The following ATP11A variants were observed in gnomAD, a reference collection of about 807,000 sequenced individuals.
ATP11A encodes phospholipid-transporting ATPase IH.
A neutral mutation model predicts 154.4 loss-of-function variants in ATP11A; 81 were observed. The observed-to-expected ratio is 0.52, with a 90% CI of 0.44 to 0.63. ATP11A has a LOEUF of 0.63. Among genes scored for constraint, ATP11A ranks in the 30% least tolerant of loss-of-function variants. The pLI, the probability that ATP11A is intolerant of heterozygous loss-of-function variation, is 0.00. For missense variants in ATP11A, 1,316 were observed against 1,474.3 expected (o/e 0.89, Z 1.76); for synonymous variants, 623 against 585.9 (o/e 1.06, Z -0.91).
At chr13:112,792,791 A>G (rs2077896250) in intron 2 of ATP11A, among the ~76,000 whole-genome samples, 1 of 152,114 alleles carries the variant, frequency 6.6e-6, no homozygotes, top group East Asian at 1.9e-4. Context: ...CCACAAAGGG[A>G]TGGATCACTG....
At chr13:112,721,330 G>A (rs1889151719) in intron 1 of ATP11A, among the ~76,000 whole-genome samples, 1 of 152,200 alleles carries the variant, frequency 6.6e-6, no homozygotes, top group Non-Finnish European at 1.5e-5. Context: ...GATCACAAAT[G>A]TTACGGGAAA....
At chr13:112,706,858 CTT>C (rs1440308690) in intron 1 of ATP11A, among the ~76,000 whole-genome samples, 2 of 152,208 alleles carry the variant, frequency 1.3e-5, no homozygotes, top group East Asian at 1.9e-4. Context: ...GGAATACACT[CTT>C]AAATCAATGT....
intron 1 of ATP11A, among the ~76,000 whole-genome samples, chr13:112,779,055 T>G (rs1461419203): frequency 5.9e-5 from 6 of 101,664 alleles, no homozygotes; most frequent in East Asian, 3.1e-4. Context: ...CTGGAGTGAG[T>G]AGCCGCTGGA....
intron 2 of ATP11A, among the ~76,000 whole-genome samples, chr13:112,799,045 A>G (rs1458781715): frequency 3.9e-5 from 6 of 152,266 alleles, no homozygotes; most frequent in Non-Finnish European, 1.5e-5. Context: ...TCAGAACAAG[A>G]GAAGTTACCA....
chr13:112,719,270 A>G (rs1021301783), intron 1 of ATP11A, among the ~76,000 whole-genome samples: 7 of 152,232 alleles, frequency 4.6e-5, no homozygotes, highest in Admixed American at 2.0e-4. Context: ...CAGGTATGCA[A>G]ACTGCACCAG....
intron 1 of ATP11A, among the ~76,000 whole-genome samples, chr13:112,773,244 C>T (rs2077268489): frequency 6.6e-6 from 1 of 152,184 alleles, no homozygotes; most frequent in Non-Finnish European, 1.5e-5. Context: ...TCGCCACCCT[C>T]AGAACAGAAT....
chr13:112,817,493 T>C (rs1231919849), intron 6 of ATP11A, among the ~76,000 whole-genome samples: 1 of 152,246 alleles, frequency 6.6e-6, no homozygotes, highest in Non-Finnish European at 1.5e-5. Flanking sequence ...CCCTGGATGA[T>C]TCAGGTATTC....
chr13:112,735,628 T>C (rs1890918454), intron 1 of ATP11A, among the ~76,000 whole-genome samples: 1 of 152,186 alleles, frequency 6.6e-6, no homozygotes, highest in Non-Finnish European at 1.5e-5. Context: ...TTGGTTGCAT[T>C]GTGTAGAGGA....
intron 28 of ATP11A, among the ~76,000 whole-genome samples, chr13:112,876,383 C>T (rs1251019515): frequency 6.6e-6 from 1 of 151,992 alleles, no homozygotes; most frequent in Non-Finnish European, 1.5e-5. Flanking sequence ...AAGCAGAATT[C>T]TGGGTCCAGG....
At position 112,858,452 on chromosome 13, in the gene ATP11A, T is replaced by A. The variant is rs112562392; in HGVS notation, c.2667+162T>A. 24 of 759,262 alleles carry A rather than the reference T, an allele frequency of 3.2e-5. No homozygotes were observed. The African/African-American group carries it at 4.2e-4, about 13-fold the overall frequency. 47.0% of individuals were successfully genotyped at this position (759,262 alleles called of 1,614,324 possible). Reference sequence around the variant, plus strand: ...GAATCTGATTGCAGTCATCTCTTGCTTAGCTGTGACTTTGCTTTTTACAGT... The same window carrying A: ...GAATCTGATTGCAGTCATCTCTTGCATAGCTGTGACTTTGCTTTTTACAGT... On this transcript the variant is annotated intron_variant, in intron 22 of 29. Transcript: ENST00000375645.
chr13:112,861,854 T>C (rs1400328479), intron 24 of ATP11A, among the ~76,000 whole-genome samples: 1 of 149,000 alleles, frequency 6.7e-6, no homozygotes, highest in Non-Finnish European at 1.5e-5. Context: ...AATTCTGTCT[T>C]ATTGAACAGG....
At position 112,883,536 on chromosome 13, in the gene ATP11A, C is replaced by T. The variant is rs183501630; in HGVS notation, c.*1670C>T. The T allele has an allele frequency of 1.1e-4, 25 of 232,456 alleles. No individual in the cohort carries two copies. In the East Asian group the frequency reaches 2.0e-3, roughly 18 times the overall value. The allele number at this position is 232,456 out of a possible 1,614,324, so 14.4% of individuals were successfully genotyped here. A position where few individuals can be genotyped will look rare whatever the true frequency, so the allele number is the denominator to read the frequency against. On this transcript the variant is annotated 3_prime_UTR_variant, in exon 30 of 30. Transcript: ENST00000375645. ...GTATTTTTGGAAGCTCAGATTTCAC[C>T]ATTTGATTGTATAATCTTTTACCTA...
At chr13:112,704,531 G>A (rs112556988) in intron 1 of ATP11A, among the ~76,000 whole-genome samples, 3,532 of 152,352 alleles carry the variant, frequency 0.023, 128 homozygotes, top group African/African-American at 0.08. Context: ...TGCGGCGTGC[G>A]TCTCAGGTTT....
chr13:112,832,587 C>G lies in ATP11A; in HGVS notation c.1396-273C>G, dbSNP rs182231. 3.3e-5 allele frequency among the ~76,000 whole-genome samples: 5 copies of G among 152,154 alleles called. No individual in the cohort carries two copies. In the South Asian group the frequency reaches 6.2e-4, roughly 19 times the overall value. ...CGGTCACTTGCCATTTCTGAGCGCA[C>G]GTGAAGCCTCTGTGGTTTCTAGAAG... On this transcript the variant is annotated intron_variant, in intron 13 of 29. Coordinates refer to ENST00000375645, the MANE Select transcript of ATP11A (RefSeq NM_015205.3).
intron 17 of ATP11A, among the ~76,000 whole-genome samples, chr13:112,843,563 G>C (rs2140297232): frequency 6.6e-6 from 1 of 152,302 alleles, no homozygotes; most frequent in East Asian, 1.9e-4. Context: ...TGGAAAACAA[G>C]ACTTCCAAGG....
chr13:112,825,330 A>C (rs545180665), intron 10 of ATP11A, 100 bp from the exon 11 acceptor site: 1 of 1,356,840 alleles, frequency 7.4e-7, no homozygotes, highest in South Asian at 1.4e-5. Flanking sequence ...TGCCCTTCCT[A>C]TTCTGTTTCT....
chr13:112,735,700 G>A (rs1365013331), intron 1 of ATP11A, among the ~76,000 whole-genome samples: 3 of 152,182 alleles, frequency 2.0e-5, no homozygotes, highest in African/African-American at 7.2e-5. Context: ...CCTGCACCGT[G>A]CATCCTCAAA....
rs150149214 is a variant in ATP11A at position 112,877,006 on chromosome 13, C to T, written c.3327+1065C>T. Among the ~76,000 whole-genome samples the T allele has an allele frequency of 1.8e-3, 277 of 152,326 alleles. 2 individuals carry two copies. Among genetic ancestry groups the T allele is most frequent in the African/African-American group, 5.0e-3 (206 of 41,574 alleles). ...TGTTGAAACCGATGCCACCAGTTCCCGGCACTCCCTCCTTCATGCCTCCTG... is the reference window on the plus strand; with the variant it reads ...TGTTGAAACCGATGCCACCAGTTCCTGGCACTCCCTCCTTCATGCCTCCTG... On this transcript the variant is annotated intron_variant, in intron 28 of 29. Transcript: ENST00000375645.
chr13:112,846,162 G>T (rs1252802524), intron 17 of ATP11A, among the ~76,000 whole-genome samples: 18 of 152,086 alleles, frequency 1.2e-4, no homozygotes. Flanking sequence ...GTGTTTCTTT[G>T]CTCAGCCGTG....
Sources: allele counts gnomAD v4.1 joint callset (sites outside exome capture counted in the v4.1 genomes callset), GRCh38; gene constraint gnomAD v4.1.1; transcripts MANE v1.5; gene names NCBI Gene and HGNC (gene_info 2026-07-23, HGNC 2026-07-21).